Variants in BLVRB observed in about 807,000 individuals in gnomAD.
BLVRB encodes the protein biliverdin reductase B.
Under a neutral mutation model 21.1 loss-of-function variants are expected in BLVRB, and 25 were observed. The ratio of observed to expected loss-of-function variants is 1.19; its 90% CI spans 0.86 to 1.66. The LOEUF is 1.66. Ranked by LOEUF, BLVRB falls within the 40% of genes most tolerant of loss-of-function variation. BLVRB has a pLI of 0.00. For missense variants in BLVRB, 274 were observed against 282.7 expected (o/e 0.97, Z 0.22); for synonymous variants, 128 against 122.2 (o/e 1.05, Z -0.31).
chr19:40,449,526 G>A (rs1305707076), intron 4 of BLVRB, among the ~76,000 whole-genome samples: 10 of 152,282 alleles, frequency 6.6e-5, no homozygotes. Context: ...GATTACAGAT[G>A]TGAGCCACCA....
At chr19:40,448,187 A>G (rs1479924077) in intron 4 of BLVRB, 141 bp from the exon 5 acceptor site, 20 of 799,328 alleles carry the variant, frequency 2.5e-5, no homozygotes, top group Non-Finnish European at 3.7e-5. Context: ...GACTTTCCAT[A>G]TGCAGGTGCT....
chr19:40,454,079 C>T (rs545429208), intron 3 of BLVRB, among the ~76,000 whole-genome samples: 1 of 152,166 alleles, frequency 6.6e-6, no homozygotes, highest in East Asian at 1.9e-4. Context: ...CAGACTCTGT[C>T]GCAACAAAAA....
intron 4 of BLVRB, among the ~76,000 whole-genome samples, chr19:40,449,245 A>C (rs1334128943): frequency 6.6e-6 from 1 of 151,732 alleles, no homozygotes; most frequent in African/African-American, 2.4e-5. Context: ...GAGTGGGTTG[A>C]ATTTTTTTTT....
chr19:40,454,502 T>G (rs1225745123), intron 3 of BLVRB, among the ~76,000 whole-genome samples: 2 of 151,890 alleles, frequency 1.3e-5, no homozygotes, highest in East Asian at 1.9e-4. Flanking sequence ...GCCTCCAGTC[T>G]CCAGTTCACA....
At position 40,447,806 on chromosome 19, in the gene BLVRB, GA is replaced by G. The variant is rs45460395; in HGVS notation, c.*82del. The G allele has an allele frequency of 0.13, 190,735 of 1,487,132 alleles. 13,245 individuals carry two copies. The highest frequency in any genetic ancestry group is 0.14 in the Non-Finnish European group (150,579 of 1,089,810). 92.1% of individuals were successfully genotyped at this position (1,487,132 alleles called of 1,614,324 possible). A position where few individuals can be genotyped will look rare whatever the true frequency, so the allele number is the denominator to read the frequency against. On this transcript the variant is annotated 3_prime_UTR_variant, in exon 5 of 5. Coordinates refer to ENST00000263368, the MANE Select transcript of BLVRB (RefSeq NM_000713.3). ...ACAGTCGGTTTCTCTAGAGTAATTT[GA>G]AGCTCTTGGCTCAACATTTATTGCC...
chr19:40,463,476 G>A (rs1467883365), intron 1 of BLVRB, among the ~76,000 whole-genome samples: 1 of 152,034 alleles, frequency 6.6e-6, no homozygotes, highest in Admixed American at 6.6e-5. Flanking sequence ...TGCCTGTTAA[G>A]ACTCTTGGCC....
At chr19:40,451,340 C>T (rs1366571813) in intron 4 of BLVRB, 24 bp downstream of exon 4, 7 of 1,588,372 alleles carry the variant, frequency 4.4e-6, no homozygotes, top group South Asian at 1.1e-5. Context: ...GGCATTGGTG[C>T]CACCAGGTCC....
rs1472031928 is a variant in BLVRB, at chr19:40,458,160, G to A, written c.329C>T (p.Thr110Ile). ...AHGVDKVVAC[T>I]SAFLLWDPTK... Reference sequence around the variant, plus strand: ...TCCATGATCCCACCACCCACCCGAGGTGCAGGCCACGACCTTGTCCACACC... The same window carrying A: ...TCCATGATCCCACCACCCACCCGAGATGCAGGCCACGACCTTGTCCACACC... Residue 110 changes from threonine to isoleucine, a missense_variant, in exon 3 of 5, where the codon ACC (threonine) becomes ATC (isoleucine). Transcript: ENST00000263368. 1 of 1,613,842 alleles carries A rather than the reference G, an allele frequency of 6.2e-7. No homozygotes were observed. The highest frequency in any genetic ancestry group is 1.7e-5 in the Admixed American group (1 of 59,990).
At chr19:40,460,625 A>G (rs1445349037) in intron 1 of BLVRB, among the ~76,000 whole-genome samples, 4 of 151,630 alleles carry the variant, frequency 2.6e-5, no homozygotes, top group Non-Finnish European at 5.9e-5. Flanking sequence ...ATTAAATTAA[A>G]TTAAATTAAA....
intron 1 of BLVRB, among the ~76,000 whole-genome samples, chr19:40,460,708 C>G (rs959089342): frequency 6.6e-6 from 1 of 152,106 alleles, no homozygotes; most frequent in Non-Finnish European, 1.5e-5. Flanking sequence ...CGCGATGGCT[C>G]ACGCCTGTAA....
chr19:40,455,055 C>T (rs1041773720), intron 3 of BLVRB, among the ~76,000 whole-genome samples: 11 of 151,372 alleles, frequency 7.3e-5, no homozygotes, highest in South Asian at 2.1e-4. Flanking sequence ...CTGTGTTGCC[C>T]AGACTGGTCC....
Position 40,458,528 on chromosome 19 carries a change from G to T in BLVRB, c.97C>A (p.Leu33Met). ...AVQAGYEVTVLVRDSSRLPSE... is the reference protein window; with the variant it reads ...AVQAGYEVTVMVRDSSRLPSE... ...GGCAGCCTGGAGGAGTCCCGCACCA[G>T]CACTGTCACTTCGTAACCTGTGGGC... The change falls in exon 2 of 5, where the codon CTG becomes ATG. Residue 33 changes from leucine (L) to methionine (M), a missense_variant. Leu to Met is a conservative substitution (Grantham distance 15, BLOSUM62 2). Transcript: ENST00000263368. 6.2e-7 allele frequency: 1 copy of T among 1,609,614 alleles called. No homozygotes were observed. Among genetic ancestry groups the T allele is most frequent in the Non-Finnish European group, 8.5e-7 (1 of 1,177,990 alleles).
Position 40,458,392 on chromosome 19 carries a change from C to A in BLVRB, c.233G>T (p.Arg78Leu). ...GGGGGGCTCAGTACTGAGGTCATTGCGGGTGCCCAGCAGCACGATGACAGC... is the reference window on the plus strand; with the variant it reads ...GGGGGGCTCAGTACTGAGGTCATTGAGGGTGCCCAGCAGCACGATGACAGC... Reference protein sequence around the residue: ...QDAVIVLLGTRNDLSPTTVMS... With the variant: ...QDAVIVLLGTLNDLSPTTVMS... The change falls in exon 2 of 5, where the codon CGC becomes CTC. Residue 78 changes from arginine (R) to leucine (L), a missense_variant. By Grantham distance (102) the Arg-to-Leu change is moderately radical. Coordinates refer to ENST00000263368, the MANE Select transcript of BLVRB (RefSeq NM_000713.3). The A allele has an allele frequency of 6.3e-7, 1 of 1,586,810 alleles. No individual in the cohort carries two copies. Among genetic ancestry groups the A allele is most frequent in the South Asian group, 1.1e-5 (1 of 87,072 alleles).
intron 1 of BLVRB, among the ~76,000 whole-genome samples, chr19:40,460,152 T>C (rs1599690396): frequency 1.3e-5 from 2 of 151,294 alleles, no homozygotes; most frequent in African/African-American, 2.4e-5. Context: ...CACACACACA[T>C]ACACACACAT....
At chr19:40,456,247 G>A (rs1374183317) in intron 3 of BLVRB, among the ~76,000 whole-genome samples, 2 of 152,010 alleles carry the variant, frequency 1.3e-5, no homozygotes, top group Non-Finnish European at 2.9e-5. Context: ...TTTTCTGTAA[G>A]TTTAAGATCA....
chr19:40,460,664 C>A (rs2079783294), intron 1 of BLVRB, among the ~76,000 whole-genome samples: 1 of 151,700 alleles, frequency 6.6e-6, no homozygotes, highest in Non-Finnish European at 1.5e-5. Flanking sequence ...TAGGCTACTA[C>A]CTGGCACAGA....
At chr19:40,459,799 A>G (rs1204130645) in intron 1 of BLVRB, among the ~76,000 whole-genome samples, 1 of 152,060 alleles carries the variant, frequency 6.6e-6, no homozygotes, top group Non-Finnish European at 1.5e-5. Context: ...TTGAACTCCT[A>G]ACCTCAGGTG....
intron 4 of BLVRB, 25 bp from the exon 5 acceptor site, chr19:40,448,071 TG>T (rs780964540): frequency 6.3e-7 from 1 of 1,597,036 alleles, no homozygotes; most frequent in Admixed American, 1.7e-5. Context: ...CAAGAGGGGC[TG>T]GATAAAGCAG....
chr19:40,464,561 A>G (rs2079802457), intron 1 of BLVRB, among the ~76,000 whole-genome samples: 1 of 152,184 alleles, frequency 6.6e-6, no homozygotes, highest in Non-Finnish European at 1.5e-5. Context: ...GTGGATTTCC[A>G]GGTGACTCAG....
Sources: allele counts gnomAD v4.1 joint callset (sites outside exome capture counted in the v4.1 genomes callset), GRCh38; gene constraint gnomAD v4.1.1; transcripts MANE v1.5; gene names NCBI Gene and HGNC (gene_info 2026-07-23, HGNC 2026-07-21).